Variants in CALN1 observed in about 807,000 individuals in gnomAD.
CALN1 encodes the protein calneuron 1, also known as calcium-binding protein 8.
Under a neutral mutation model 30.6 loss-of-function variants are expected in CALN1, and 17 were observed. That is an observed-to-expected ratio of 0.56 (90% confidence interval 0.38 to 0.83). The LOEUF is 0.83. CALN1 is among the 40% of genes least tolerant of loss of function. CALN1 has a pLI of 0.00. For synonymous variants in CALN1, 156 were observed against 131.4 expected (o/e 1.19, Z -1.28); for missense variants, 291 against 354.9 (o/e 0.82, Z 1.45).
intron 5 of CALN1, among the ~76,000 whole-genome samples, chr7:71,844,830 A>C (rs1173920638): frequency 6.6e-6 from 1 of 151,478 alleles, no homozygotes; most frequent in African/African-American, 2.4e-5. Flanking sequence ...GAAACATCAC[A>C]TGTTTTAAAT....
At chr7:71,929,819 C>G (rs1021383588) in intron 5 of CALN1, among the ~76,000 whole-genome samples, 1 of 152,162 alleles carries the variant, frequency 6.6e-6, no homozygotes, top group Non-Finnish European at 1.5e-5. Flanking sequence ...AGACTGTCTT[C>G]CCAATTGGCT....
intron 3 of CALN1, among the ~76,000 whole-genome samples, chr7:72,143,006 A>G (rs1001610190): frequency 6.6e-6 from 1 of 152,190 alleles, no homozygotes; most frequent in Non-Finnish European, 1.5e-5. Context: ...AAAGGTAGAT[A>G]AAACCACAAA....
intron 5 of CALN1, among the ~76,000 whole-genome samples, chr7:71,930,329 C>T (rs535913046): frequency 1.8e-4 from 27 of 152,288 alleles, no homozygotes; most frequent in Admixed American, 1.1e-3. Context: ...GACATAATGT[C>T]GAACACCTTT....
chr7:72,405,810 T>C (rs906767540), intron 1 of CALN1, among the ~76,000 whole-genome samples: 2 of 152,198 alleles, frequency 1.3e-5, no homozygotes. Context: ...GGTAAATGCA[T>C]ATTTCAAAAA....
chr7:72,409,531 G>C (rs914990401), intron 1 of CALN1, among the ~76,000 whole-genome samples: 5 of 148,376 alleles, frequency 3.4e-5, no homozygotes, highest in Non-Finnish European at 7.4e-5. Context: ...CAGCGTCTGT[G>C]GCCTTCAGCA....
intron 3 of CALN1, among the ~76,000 whole-genome samples, chr7:72,186,885 CTTTTTTTTTTT>C (rs34604151): frequency 3.3e-5 from 2 of 61,296 alleles, no homozygotes; most frequent in Non-Finnish European, 6.1e-5. Flanking sequence ...GAGTGCAGAG[CTTTTTTTTTTT>C]TTTTTTTTTT....
intron 3 of CALN1, among the ~76,000 whole-genome samples, chr7:72,232,158 G>T (rs549847811): frequency 6.6e-6 from 1 of 152,176 alleles, no homozygotes; most frequent in African/African-American, 2.4e-5. Flanking sequence ...GCCTCAGCAG[G>T]GGGAGCAGAG....
chr7:72,215,638 T>C lies in CALN1; in HGVS notation c.244+63048A>G, dbSNP rs1282609517. On this transcript the variant is annotated intron_variant, in intron 3 of 6. Coordinates refer to ENST00000395275, the MANE Select transcript of CALN1 (RefSeq NM_031468.4). ...GCAAAGGAGAAAAAAGGCAGTGAAGTCCCAATTTTAATCATTTCAATCCCG... is the reference window on the plus strand; with the variant it reads ...GCAAAGGAGAAAAAAGGCAGTGAAGCCCCAATTTTAATCATTTCAATCCCG... Among the ~76,000 whole-genome samples, 5 of 145,326 alleles carry C rather than the reference T, an allele frequency of 3.4e-5. No individual in the cohort carries two copies. The South Asian group carries it at 8.9e-4, about 26-fold the overall frequency.
chr7:72,097,702 A>AT (rs374108880), intron 4 of CALN1, among the ~76,000 whole-genome samples: 36 of 149,902 alleles, frequency 2.4e-4, no homozygotes, highest in African/African-American at 4.9e-4. Flanking sequence ...TTTTTTGACT[A>AT]TTTTTTTTTC....
chr7:72,360,700 C>G (rs1021685345), intron 2 of CALN1, among the ~76,000 whole-genome samples: 2 of 147,084 alleles, frequency 1.4e-5, no homozygotes, highest in South Asian at 2.2e-4. Context: ...ATGTAACAAA[C>G]CTGCACGTTG....
intron 2 of CALN1, among the ~76,000 whole-genome samples, chr7:72,344,524 AACTC>A (rs1000231593): frequency 1.3e-4 from 19 of 149,354 alleles, no homozygotes; most frequent in Non-Finnish European, 5.9e-5. Flanking sequence ...TCTGTTAACT[AACTC>A]TGGAGAACAA....
At chr7:71,857,127 T>C (rs996892952) in intron 5 of CALN1, among the ~76,000 whole-genome samples, 1 of 151,692 alleles carries the variant, frequency 6.6e-6, no homozygotes, top group Non-Finnish European at 1.5e-5. Flanking sequence ...ATGCTTCTTT[T>C]AAAAAAGAAT....
chr7:72,493,750 C>T, the CALN1 span, among the ~76,000 whole-genome samples: 6 of 152,166 alleles, frequency 3.9e-5, no homozygotes, highest in African/African-American at 1.4e-4. Context: ...ATTCTATTTA[C>T]CCAAGTTTTT....
At chr7:72,260,888 T>C (rs2129552761) in intron 3 of CALN1, among the ~76,000 whole-genome samples, 1 of 152,288 alleles carries the variant, frequency 6.6e-6, no homozygotes, top group East Asian at 1.9e-4. Context: ...CCTACGGTGC[T>C]TCTAGGTTCA....
At chr7:71,936,910 TGTA>T (rs1795865129) in intron 5 of CALN1, among the ~76,000 whole-genome samples, 1 of 152,084 alleles carries the variant, frequency 6.6e-6, no homozygotes, top group Non-Finnish European at 1.5e-5. Flanking sequence ...TTTCTGCTTT[TGTA>T]TCTCCCTCAT....
intron 3 of CALN1, among the ~76,000 whole-genome samples, chr7:72,258,135 C>A (rs1364201498): frequency 6.6e-6 from 1 of 151,892 alleles, no homozygotes; most frequent in Non-Finnish European, 1.5e-5. Context: ...TAAAAAAAAA[C>A]TTGCCTAAGA....
chr7:72,310,137 T>C (rs895574082), intron 2 of CALN1, among the ~76,000 whole-genome samples: 5 of 151,838 alleles, frequency 3.3e-5, no homozygotes, highest in Admixed American at 1.3e-4. Flanking sequence ...AGTCTCTAGA[T>C]ATACAAAGAG....
At position 72,272,399 on chromosome 7, in the gene CALN1, C is replaced by A. The variant is rs183231391; in HGVS notation, c.244+6287G>T. Among the ~76,000 whole-genome samples, 63 of 151,834 alleles carry A rather than the reference C, an allele frequency of 4.1e-4. 1 individual carries two copies. In the East Asian group the frequency reaches 0.012, roughly 29 times the overall value. ...CAACATGGCAAAAACCCATCTCTAC[C>A]AAAAATACAAAAATTAGCTGGGTGT... is the stretch of plus-strand genomic sequence containing the variant. On this transcript the variant is annotated intron_variant, in intron 3 of 6. Coordinates refer to ENST00000395275, the MANE Select transcript of CALN1 (RefSeq NM_031468.4).
chr7:71,937,724 C>G (rs771383288), intron 5 of CALN1, among the ~76,000 whole-genome samples: 1 of 152,182 alleles, frequency 6.6e-6, no homozygotes, highest in African/African-American at 2.4e-5. Context: ...AGCAGTCCTC[C>G]CACCTCAGCC....
Sources: gnomAD v4.1 joint callset for allele counts (sites outside exome capture counted in the v4.1 genomes callset) on GRCh38, gnomAD v4.1.1 for gene constraint, MANE v1.5 for transcripts, NCBI Gene and HGNC (gene_info 2026-07-23, HGNC 2026-07-21) for gene names.